WDR70: variants seen among roughly 807,000 people sequenced by gnomAD.
WDR70 encodes the protein WD repeat domain 70, also known as WD repeat-containing protein 70.
WDR70 carries 53 observed loss-of-function variants against 88.6 expected under a neutral mutation model. That is an observed-to-expected ratio of 0.60 (90% CI 0.48 to 0.75). WDR70 has a LOEUF of 0.75. Among genes scored for constraint, WDR70 ranks in the 30% least tolerant of loss-of-function variants. The probability of loss-of-function intolerance (pLI) is 0.00; values close to 1 mark genes in which losing one functional copy is unlikely to be tolerated. For synonymous variants in WDR70, 280 were observed against 270.0 expected (o/e 1.04, Z -0.36); for missense variants, 610 against 823.2 (o/e 0.74, Z 3.17).
At chr5:37,511,230 G>T (rs182662091) in intron 8 of WDR70, among the ~76,000 whole-genome samples, 12 of 152,196 alleles carry the variant, frequency 7.9e-5, no homozygotes, top group African/African-American at 2.6e-4. Flanking sequence ...ATGTTTATCA[G>T]TAGCATTCTA....
At chr5:37,565,590 A>C (rs1226266016) in intron 9 of WDR70, among the ~76,000 whole-genome samples, 1 of 152,142 alleles carries the variant, frequency 6.6e-6, no homozygotes, top group Non-Finnish European at 1.5e-5. Context: ...TTACACATCA[A>C]CTTGATGTGT....
intron 17 of WDR70, among the ~76,000 whole-genome samples, chr5:37,740,841 C>G (rs925459402): frequency 2.0e-5 from 3 of 152,106 alleles, no homozygotes; most frequent in Non-Finnish European, 4.4e-5. Flanking sequence ...GTTTCAAAGC[C>G]CTGTTTTTCT....
intron 9 of WDR70, among the ~76,000 whole-genome samples, chr5:37,524,669 TA>T (rs533894970): frequency 1.2e-4 from 18 of 152,274 alleles, no homozygotes; most frequent in African/African-American, 4.3e-4. Flanking sequence ...ATGCTCCAAT[TA>T]AAAGACACAG....
intron 9 of WDR70, among the ~76,000 whole-genome samples, chr5:37,582,417 A>T (rs1341131649): frequency 6.6e-6 from 1 of 152,238 alleles, no homozygotes; most frequent in Non-Finnish European, 1.5e-5. Flanking sequence ...ATATAACATA[A>T]GAATGCTCTG....
intron 13 of WDR70, among the ~76,000 whole-genome samples, chr5:37,716,344 T>G (rs1222947955): frequency 2.0e-5 from 3 of 152,240 alleles, no homozygotes. Context: ...TAGTAACATT[T>G]GTGAACTGGG....
At chr5:37,680,197 C>T (rs1189232079) in intron 10 of WDR70, among the ~76,000 whole-genome samples, 2 of 149,584 alleles carry the variant, frequency 1.3e-5, no homozygotes, top group African/African-American at 2.5e-5. Context: ...GCATGTATGT[C>T]TTCTTTTGAG....
intron 8 of WDR70, among the ~76,000 whole-genome samples, chr5:37,485,967 G>A (rs1166114785): frequency 6.7e-6 from 1 of 149,498 alleles, no homozygotes. Context: ...CGCCTGCCTT[G>A]GCTTCCCAAA....
chr5:37,679,643 T>C (rs1746358764), intron 10 of WDR70, among the ~76,000 whole-genome samples: 1 of 152,160 alleles, frequency 6.6e-6, no homozygotes, highest in Admixed American at 6.5e-5. Flanking sequence ...CTGCCCCTAC[T>C]GGGGGGTGCC....
chr5:37,526,110 G>C (rs556047053), intron 9 of WDR70, among the ~76,000 whole-genome samples: 13 of 152,272 alleles, frequency 8.5e-5, no homozygotes, highest in African/African-American at 3.1e-4. Flanking sequence ...GGAAAAAGAG[G>C]GAATCCTCCC....
At chr5:37,567,336 T>C (rs1159133601) in intron 9 of WDR70, among the ~76,000 whole-genome samples, 1 of 152,156 alleles carries the variant, frequency 6.6e-6, no homozygotes, top group African/African-American at 2.4e-5. Context: ...AGAGGAAGAA[T>C]GGGTTTCACT....
chr5:37,650,267 G>T lies in WDR70; in HGVS notation c.1092+45029G>T, dbSNP rs984478193. Among the ~76,000 whole-genome samples, 5 of 151,616 alleles carry T rather than the reference G, an allele frequency of 3.3e-5. No individual in the cohort carries two copies. The East Asian group carries it at 9.9e-4, about 30-fold the overall frequency. ...AAAAACAAAATTAGCTGGGTGTGGT[G>T]GTGGGCGCCTGTAGTCCCAGCTACT... is the stretch of plus-strand genomic sequence containing the variant. On this transcript the variant is annotated intron_variant, in intron 10 of 17. Coordinates refer to ENST00000265107, the MANE Select transcript of WDR70 (RefSeq NM_018034.4).
At chr5:37,748,057 T>TA (rs1049106925) in intron 17 of WDR70, among the ~76,000 whole-genome samples, 1 of 152,192 alleles carries the variant, frequency 6.6e-6, no homozygotes, top group Non-Finnish European at 1.5e-5. Context: ...AAAATGGCCA[T>TA]ACTACCCAAA....
intron 8 of WDR70, among the ~76,000 whole-genome samples, chr5:37,483,749 ACGGGGCGGCTGGCCGGG>A (rs1739754168): frequency 6.8e-6 from 1 of 147,914 alleles, no homozygotes. Flanking sequence ...TCCCTCCCGG[ACGGGGCGGCTGGCCGGG>A]CGGGGGCTGA....
chr5:37,576,217 T>G (rs1171944413), intron 9 of WDR70, among the ~76,000 whole-genome samples: 1 of 149,568 alleles, frequency 6.7e-6, no homozygotes, highest in Non-Finnish European at 1.5e-5. Context: ...TCCATCTGGC[T>G]CCTTCCTACC....
At chr5:37,494,744 T>C (rs911977617) in intron 8 of WDR70, among the ~76,000 whole-genome samples, 9 of 152,260 alleles carry the variant, frequency 5.9e-5, no homozygotes, top group African/African-American at 2.2e-4. Flanking sequence ...TAGTTGGCAC[T>C]GCTGAAATAT....
Position 37,605,146 on chromosome 5 carries a change from A to C in WDR70, c.1000A>C (p.Ile334Leu), listed in dbSNP as rs1250894222. 2 of 1,613,680 alleles carry C rather than the reference A, an allele frequency of 1.2e-6. No individual in the cohort carries two copies. The highest frequency in any genetic ancestry group is 2.2e-5 in the East Asian group (1 of 44,860). ...ACGGACGATGCAAGGCAAAAAAGTC[A>C]TTCCCACTACGTGCACATATAGTAG... is the stretch of plus-strand genomic sequence containing the variant. ...KPRTMQGKKV[I>L]PTTCTYSRDG... is the part of the protein sequence containing the mutation. Residue 334 changes from isoleucine to leucine, a missense_variant, in exon 10 of 18, where the codon ATT becomes CTT. This residue lies in a region of WDR70 where 254 missense variants were observed against 300.7 expected (regional missense o/e 0.84). Transcript: ENST00000265107.
chr5:37,391,711 C>A (rs750266951), intron 3 of WDR70, among the ~76,000 whole-genome samples: 1 of 152,308 alleles, frequency 6.6e-6, no homozygotes, highest in Non-Finnish European at 1.5e-5. Flanking sequence ...TTGTGAATGA[C>A]GTTCTTATGA....
At chr5:37,659,079 A>G (rs1308207270) in intron 10 of WDR70, among the ~76,000 whole-genome samples, 1 of 152,176 alleles carries the variant, frequency 6.6e-6, no homozygotes, top group East Asian at 1.9e-4. Context: ...AATTCATTCT[A>G]TTGTTTTCCC....
At chr5:37,613,163 G>A (rs1289964366) in intron 10 of WDR70, among the ~76,000 whole-genome samples, 1 of 152,096 alleles carries the variant, frequency 6.6e-6, no homozygotes, top group Non-Finnish European at 1.5e-5. Context: ...TAGGGTAAAA[G>A]GTTTTTTAAA....
Sources: gnomAD v4.1 joint callset for allele counts (sites outside exome capture counted in the v4.1 genomes callset) on GRCh38, gnomAD v4.1.1 for gene constraint, gnomAD v4.1.1 regional missense constraint, MANE v1.5 for transcripts, NCBI Gene and HGNC (gene_info 2026-07-23, HGNC 2026-07-21) for gene names.